WBP1L: variants seen among roughly 807,000 people sequenced by gnomAD.
The protein encoded by WBP1L is WW domain binding protein 1-like.
In WBP1L, 17 loss-of-function variants were observed where a neutral mutation model predicts 33.7. The observed-to-expected ratio is 0.50, with a 90% CI of 0.34 to 0.76. WBP1L has a LOEUF of 0.76. Ranked by LOEUF, WBP1L falls within the 30% of genes least tolerant of loss-of-function variation. The pLI is 0.01. For missense variants in WBP1L, 389 were observed against 469.4 expected (o/e 0.83, Z 1.58); for synonymous variants, 173 against 190.8 (o/e 0.91, Z 0.77).
Position 102,812,583 on chromosome 10 carries a change from T to G in WBP1L, c.356-12T>G. On this transcript the variant is annotated splice_polypyrimidine_tract_variant and intron_variant, in intron 3 of 3. Transcript: ENST00000448841. ...AGTGCAGTAATTTCTCCTTCCTACC[T>G]CCCCATTTTAGGGTTTTTGCCAAAC... 1.3e-6 allele frequency: 2 copies of G among 1,556,918 alleles called. No individual in the cohort carries two copies. The highest frequency in any genetic ancestry group is 4.5e-5 in the East Asian group (2 of 44,158).
At chr10:102,801,576 G>A (rs1843657455) in intron 2 of WBP1L, among the ~76,000 whole-genome samples, 1 of 152,114 alleles carries the variant, frequency 6.6e-6, no homozygotes, top group Non-Finnish European at 1.5e-5. Context: ...AAACCCCAAA[G>A]CCACTCCTCC....
chr10:102,760,665 G>A (rs768548429), intron 1 of WBP1L, among the ~76,000 whole-genome samples: 61 of 151,636 alleles, frequency 4.0e-4, no homozygotes, highest in Non-Finnish European at 7.7e-4. Context: ...GTGAGCCACC[G>A]TGCCTGGCCG....
At chr10:102,810,393 C>T (rs1258653710) in intron 3 of WBP1L, among the ~76,000 whole-genome samples, 1 of 45,532 alleles carries the variant, frequency 2.2e-5, no homozygotes, top group Non-Finnish European at 6.2e-5. Flanking sequence ...CTCCCTCTTT[C>T]TCTCTTTCTT....
At chr10:102,758,783 G>A (rs988553628) in intron 1 of WBP1L, among the ~76,000 whole-genome samples, 5 of 152,164 alleles carry the variant, frequency 3.3e-5, no homozygotes, top group Non-Finnish European at 7.4e-5. Flanking sequence ...GGTAAGGAGG[G>A]TCAGTCTTCT....
intron 2 of WBP1L, among the ~76,000 whole-genome samples, chr10:102,808,446 C>CT (rs1843772563): frequency 6.6e-6 from 1 of 152,168 alleles, no homozygotes; most frequent in African/African-American, 2.4e-5. Flanking sequence ...CTGAGATTCT[C>CT]TGAGTATGAT....
intron 1 of WBP1L, among the ~76,000 whole-genome samples, chr10:102,745,108 A>G (rs1842850474): frequency 6.6e-6 from 1 of 152,176 alleles, no homozygotes; most frequent in Non-Finnish European, 1.5e-5. Context: ...TTTTTCAGAA[A>G]GGCATACACA....
intron 1 of WBP1L, among the ~76,000 whole-genome samples, chr10:102,754,790 G>A (rs950252085): frequency 6.7e-6 from 1 of 149,412 alleles, no homozygotes; most frequent in Non-Finnish European, 1.5e-5. Context: ...CTGCAGCTTC[G>A]AACTCCTGGG....
chr10:102,801,742 T>C (rs1233101801), intron 2 of WBP1L, among the ~76,000 whole-genome samples: 21 of 152,198 alleles, frequency 1.4e-4, no homozygotes, highest in African/African-American at 5.1e-4. Flanking sequence ...GGTATGTTTC[T>C]GGACAGTGGA....
rs779082379 is a variant in WBP1L at position 102,804,423 on chromosome 10, A to ATTTTTTT, written c.194-5470_194-5469insTTTTTTT. Among the ~76,000 whole-genome samples the ATTTTTTT allele has an allele frequency of 2.2e-5, 3 of 138,170 alleles. No homozygotes were observed. The Admixed American group carries it at 2.2e-4, about 10-fold the overall frequency. The allele number at this position is 138,170 out of a possible 152,430, so 90.6% of individuals were successfully genotyped here. ...AAAAAAAAGCCCTTTTTTTTTTAAA[A>ATTTTTTT]AAAAAATTATACTTCTGGTTCAGTG... is the stretch of plus-strand genomic sequence containing the variant. On this transcript the variant is annotated intron_variant, in intron 2 of 3. Coordinates refer to ENST00000448841, the MANE Select transcript of WBP1L (RefSeq NM_001083913.2).
intron 2 of WBP1L, among the ~76,000 whole-genome samples, chr10:102,809,202 T>G (rs1468157212): frequency 6.6e-6 from 1 of 152,096 alleles, no homozygotes; most frequent in Non-Finnish European, 1.5e-5. Context: ...CTCAGCCTCC[T>G]GAGTAGCTGG....
Position 102,815,022 on chromosome 10 carries a change from GTGTC to G in WBP1L, c.*1699_*1702del, listed in dbSNP as rs1258327437. The G allele has an allele frequency of 5.9e-5, 9 of 152,594 alleles. No homozygotes were observed. The highest frequency in any genetic ancestry group is 1.9e-4 in the African/African-American group (8 of 41,426). 9.5% of individuals were successfully genotyped at this position (152,594 alleles called of 1,614,324 possible). The stretch of plus-strand genomic sequence containing the variant: ...CAGTGACTTTTTGGGTGAGCCGTGT[GTGTC>G]TGTCTGTTGTGTGTGTGCCTCAAGC... On this transcript the variant is annotated 3_prime_UTR_variant, in exon 4 of 4. Transcript: ENST00000448841.
chr10:102,794,835 A>T (rs1237468026), intron 1 of WBP1L, among the ~76,000 whole-genome samples: 1 of 152,182 alleles, frequency 6.6e-6, no homozygotes. Flanking sequence ...TGACACCAGC[A>T]TGTCTCTCTG....
At chr10:102,748,128 C>T (rs1842886033) in intron 1 of WBP1L, among the ~76,000 whole-genome samples, 1 of 151,964 alleles carries the variant, frequency 6.6e-6, no homozygotes, top group African/African-American at 2.4e-5. Flanking sequence ...TGGTGGTGGG[C>T]ACCTGTAGTC....
chr10:102,771,498 T>C (rs1313696700), intron 1 of WBP1L, among the ~76,000 whole-genome samples: 1 of 152,088 alleles, frequency 6.6e-6, no homozygotes, highest in African/African-American at 2.4e-5. Context: ...GAAGCCCTCA[T>C]CTATAATGAC....
intron 1 of WBP1L, among the ~76,000 whole-genome samples, chr10:102,789,704 G>C (rs1953930): frequency 6.6e-6 from 1 of 151,002 alleles, no homozygotes; most frequent in South Asian, 2.1e-4. Flanking sequence ...GTTTCATACA[G>C]TGTACCTAGG....
intron 1 of WBP1L, among the ~76,000 whole-genome samples, chr10:102,752,807 C>G (rs1842937942): frequency 2.0e-5 from 3 of 152,202 alleles, no homozygotes; most frequent in Admixed American, 2.0e-4. Flanking sequence ...TTCTCAGGGT[C>G]TGTCACAAGA....
chr10:102,807,609 T>C (rs1843755071), intron 2 of WBP1L, among the ~76,000 whole-genome samples: 1 of 152,128 alleles, frequency 6.6e-6, no homozygotes, highest in South Asian at 2.1e-4. Flanking sequence ...CTTGATGTCG[T>C]GATCCGCCCA....
intron 1 of WBP1L, among the ~76,000 whole-genome samples, chr10:102,767,883 T>C (rs1343681636): frequency 6.6e-6 from 1 of 152,206 alleles, no homozygotes; most frequent in Non-Finnish European, 1.5e-5. Context: ...ACTCATTAGA[T>C]GTGTACATGT....
intron 1 of WBP1L, among the ~76,000 whole-genome samples, chr10:102,788,319 C>G (rs1248949580): frequency 6.6e-6 from 1 of 151,670 alleles, no homozygotes; most frequent in African/African-American, 2.4e-5. Context: ...ACAGTGTTAG[C>G]CAGGATGGTC....
Sources: allele counts gnomAD v4.1 joint callset (sites outside exome capture counted in the v4.1 genomes callset), GRCh38; gene constraint gnomAD v4.1.1; transcripts MANE v1.5; gene names NCBI Gene and HGNC (gene_info 2026-07-23, HGNC 2026-07-21).